Variants in ITPR2 observed in about 807,000 individuals in gnomAD.
ITPR2 encodes inositol 1,4,5-trisphosphate-gated calcium channel ITPR2.
A neutral mutation model predicts 317.1 loss-of-function variants in ITPR2; 207 were observed. That is an observed-to-expected ratio of 0.65 (90% confidence interval 0.58 to 0.73). ITPR2 has a LOEUF of 0.73. Ranked by LOEUF, ITPR2 falls within the 30% of genes least tolerant of loss-of-function variation. The probability of loss-of-function intolerance (pLI) is 0.00; values close to 1 mark genes in which losing one functional copy is unlikely to be tolerated. For missense variants in ITPR2, 2,613 were observed against 3,284.0 expected (o/e 0.80, Z 4.99); for synonymous variants, 1,156 against 1,149.1 (o/e 1.01, Z -0.12).
intron 4 of ITPR2, 147 bp downstream of exon 4, chr12:26,724,509 A>C: frequency 1.5e-6 from 1 of 648,766 alleles, no homozygotes; most frequent in Non-Finnish European, 2.8e-6. Context: ...TATCAAATGA[A>C]TACATCACAA....
At chr12:26,611,745 A>G (rs1482271012) in intron 26 of ITPR2, among the ~76,000 whole-genome samples, 1 of 152,194 alleles carries the variant, frequency 6.6e-6, no homozygotes, top group Non-Finnish European at 1.5e-5. Context: ...CCTGCATCTC[A>G]ACCCTAAATA....
At chr12:26,790,617 A>ACACACACACACACT (rs1555192765) in intron 1 of ITPR2, among the ~76,000 whole-genome samples, 4 of 150,754 alleles carry the variant, frequency 2.7e-5, no homozygotes, top group Non-Finnish European at 5.9e-5. Context: ...ACACACACAC[A>ACACACACACACACT]CTTCTACACA....
Position 26,343,543 on chromosome 12 carries a change from T to C in ITPR2, c.7858-3215A>G, listed in dbSNP as rs551645215. ...TTTAATGGTAAAATGGTAAGTTTTG[T>C]GTTATATATATTTTACCACCATTTA... is the stretch of plus-strand genomic sequence containing the variant. On this transcript the variant is annotated intron_variant, in intron 55 of 56. Transcript: ENST00000381340. 2.4e-4 allele frequency among the ~76,000 whole-genome samples: 36 copies of C among 152,288 alleles called. 1 individual carries two copies. In the South Asian group the frequency reaches 7.5e-3, roughly 32 times the overall value.
At chr12:26,620,314 G>T (rs960362104) in intron 26 of ITPR2, among the ~76,000 whole-genome samples, 2 of 152,214 alleles carry the variant, frequency 1.3e-5, no homozygotes, top group African/African-American at 4.8e-5. Context: ...GAAGCATTTT[G>T]ATTAATTATC....
chr12:26,525,442 T>C (rs1943785717), intron 37 of ITPR2, among the ~76,000 whole-genome samples: 1 of 152,176 alleles, frequency 6.6e-6, no homozygotes, highest in Admixed American at 6.5e-5. Context: ...CCTACAGCAT[T>C]TGTAACCAAT....
At chr12:26,442,943 A>G (rs1941519431) in intron 46 of ITPR2, among the ~76,000 whole-genome samples, 1 of 152,160 alleles carries the variant, frequency 6.6e-6, no homozygotes, top group Non-Finnish European at 1.5e-5. Flanking sequence ...TACCATAGCT[A>G]GTAAATGACA....
intron 13 of ITPR2, among the ~76,000 whole-genome samples, chr12:26,681,478 C>T (rs760867222): frequency 1.9e-4 from 29 of 151,822 alleles, no homozygotes; most frequent in Non-Finnish European, 3.8e-4. Context: ...TTTGTGGTAC[C>T]AGAGCTGAGA....
At chr12:26,528,777 G>C (rs61920290) in intron 37 of ITPR2, among the ~76,000 whole-genome samples, 34,254 of 152,102 alleles carry the variant, frequency 0.23, 4,159 homozygotes, top group Non-Finnish European at 0.27. Flanking sequence ...TAATTCCATG[G>C]CTAACTAATT....
chr12:26,605,279 G>A (rs912488659), intron 26 of ITPR2, among the ~76,000 whole-genome samples: 1 of 151,778 alleles, frequency 6.6e-6, no homozygotes, highest in African/African-American at 2.4e-5. Context: ...CCATTTGATA[G>A]CAAAAATAGT....
intron 2 of ITPR2, among the ~76,000 whole-genome samples, chr12:26,781,994 A>G (rs1304125684): frequency 1.5e-3 from 12 of 7,760 alleles, no homozygotes; most frequent in African/African-American, 3.4e-3. Flanking sequence ...ACTCCCCTGT[A>G]TATATATATA....
intron 47 of ITPR2, among the ~76,000 whole-genome samples, chr12:26,436,585 G>T (rs895713758): frequency 1.3e-5 from 2 of 152,176 alleles, no homozygotes; most frequent in African/African-American, 4.8e-5. Context: ...CTGTAGAAGG[G>T]TGAGGAATTT....
At chr12:26,443,134 GTT>G (rs1268130043) in intron 46 of ITPR2, among the ~76,000 whole-genome samples, 37 of 152,190 alleles carry the variant, frequency 2.4e-4, no homozygotes, top group African/African-American at 8.7e-4. Flanking sequence ...AACTGTATTA[GTT>G]TCTTTCATGT....
intron 40 of ITPR2, 48 bp from the exon 41 acceptor site, chr12:26,486,408 C>G: frequency 8.5e-7 from 1 of 1,180,500 alleles, no homozygotes; most frequent in Non-Finnish European, 1.2e-6. Context: ...TTTGCTTTTA[C>G]TAATTAAAAA....
intron 13 of ITPR2, among the ~76,000 whole-genome samples, chr12:26,668,673 C>T (rs1947679813): frequency 6.6e-6 from 1 of 152,078 alleles, no homozygotes; most frequent in Non-Finnish European, 1.5e-5. Flanking sequence ...CAACAAAATC[C>T]GAGTAACAAA....
At chr12:26,802,071 G>A (rs1484837656) in intron 1 of ITPR2, among the ~76,000 whole-genome samples, 2 of 152,126 alleles carry the variant, frequency 1.3e-5, no homozygotes, top group African/African-American at 4.8e-5. Flanking sequence ...AAGGTGAGGT[G>A]AGAGGATCAC....
intron 2 of ITPR2, among the ~76,000 whole-genome samples, chr12:26,789,449 A>T (rs886952859): frequency 6.6e-6 from 1 of 152,200 alleles, no homozygotes; most frequent in South Asian, 2.1e-4. Context: ...GTTTTTCACC[A>T]TTATGAGAAT....
intron 4 of ITPR2, among the ~76,000 whole-genome samples, 157 bp from the exon 5 acceptor site, chr12:26,722,712 C>T (rs1948858012): frequency 6.6e-6 from 1 of 152,078 alleles, no homozygotes; most frequent in African/African-American, 2.4e-5. Flanking sequence ...ACCATCTTTC[C>T]TACTTGACTT....
chr12:26,380,729 G>A (rs1349594511), intron 55 of ITPR2, among the ~76,000 whole-genome samples: 1 of 152,208 alleles, frequency 6.6e-6, no homozygotes, highest in Non-Finnish European at 1.5e-5. Flanking sequence ...TGCTAAAGCA[G>A]GAGGGGTGCA....
intron 13 of ITPR2, among the ~76,000 whole-genome samples, chr12:26,666,570 A>G (rs75241547): frequency 6.6e-6 from 1 of 152,298 alleles, no homozygotes; most frequent in African/African-American, 2.4e-5. Flanking sequence ...CTGTTAAACT[A>G]CATTTCCTAA....
Sources: allele counts gnomAD v4.1 joint callset (sites outside exome capture counted in the v4.1 genomes callset), GRCh38; gene constraint gnomAD v4.1.1; transcripts MANE v1.5; gene names NCBI Gene and HGNC (gene_info 2026-07-23, HGNC 2026-07-21).